The following MYO19 variants were observed in gnomAD, a reference collection of about 807,000 sequenced individuals.
MYO19 encodes the protein myosin XIX, also known as unconventional myosin-XIX.
A neutral mutation model predicts 129.2 loss-of-function variants in MYO19; 132 were observed. The ratio of observed to expected loss-of-function variants is 1.02; its 90% confidence interval spans 0.89 to 1.18. The LOEUF is 1.18. MYO19 is among the 50% of genes most tolerant of loss of function. The probability of loss-of-function intolerance (pLI) is 0.00; values close to 1 mark genes in which losing one functional copy is unlikely to be tolerated. For synonymous variants in MYO19, 531 were observed against 477.2 expected, an observed-to-expected ratio of 1.11 and a Z score of -1.47; for missense variants, 1,210 against 1,216.7, an observed-to-expected ratio of 0.99 and a Z score of 0.08.
chr17:36,505,534 G>C, intron 18 of MYO19, 130 bp from the exon 19 acceptor site: 1 of 647,904 alleles, frequency 1.5e-6, no homozygotes. Context: ...AGAATCTCCT[G>C]TGCAGGGATG....
At chr17:36,505,002 T>C in intron 19 of MYO19, 1 of 564,512 alleles carries the variant, frequency 1.8e-6, no homozygotes, top group South Asian at 1.7e-5. Context: ...GACTTTCAGC[T>C]AATCACGAGA....
At chr17:36,535,211 T>TAC (rs1567804293), upstream of MYO19, 183 of 152,056 alleles carry the variant, frequency 1.2e-3, 1 homozygote, top group African/African-American at 4.3e-3. Context: ...CTTGTGCGAG[T>TAC]GCGGCGGAGT....
Position 36,503,137 on chromosome 17 carries a change from G to A in MYO19, c.2040C>T (p.Ser680=), listed in dbSNP as rs372857351. ...KLLRRLHPCT[S]SGPDSPYPAK... ...CAGGATATGGGCTGTCGGGGCCAGA[G>A]GATGTGCAAGGATGAAGCCTTCTTA... is the stretch of plus-strand genomic sequence containing the variant. Residue 680 remains serine, a synonymous_variant, in exon 21 of 26, where the codon TCC becomes TCT. Coordinates refer to ENST00000614623, the MANE Select transcript of MYO19 (RefSeq NM_001163735.2). 5.5e-5 allele frequency: 89 copies of A among 1,614,036 alleles called. No individual in the cohort carries two copies. The East Asian group carries it at 1.7e-3, about 30-fold the overall frequency.
intron 14 of MYO19, 193 bp from the exon 15 acceptor site, chr17:36,508,117 T>G (rs996112110): frequency 4.0e-6 from 2 of 505,260 alleles, no homozygotes; most frequent in African/African-American, 3.9e-5. Context: ...GGCTCCCATC[T>G]CTACCCCATT....
At chr17:36,499,232 G>T (rs1177574288) in intron 23 of MYO19, 72 bp from the exon 24 acceptor site, 1 of 1,087,194 alleles carries the variant, frequency 9.2e-7, no homozygotes, top group Non-Finnish European at 1.4e-6. Flanking sequence ...CCTCGCTGCA[G>T]CAGCACCACA....
upstream of MYO19, chr17:36,537,600 A>G (rs200024253): frequency 6.2e-7 from 1 of 1,614,130 alleles, no homozygotes; most frequent in East Asian, 2.2e-5. Context: ...GACAGGAGCA[A>G]TGGATTTTGG....
At position 36,501,078 on chromosome 17, in the gene MYO19, A is replaced by G. The variant is rs766485224; in HGVS notation, c.2238T>C (p.Thr746=). The change falls in exon 22 of 26, where the codon ACT becomes ACC. Residue 746 remains threonine (T), a synonymous_variant. Transcript: ENST00000614623. ...CCCCAAACCAGCTCACCATAGAGTCAGTCATGAACACCTTGGTCCTGCCAC... is the reference window on the plus strand; with the variant it reads ...CCCCAAACCAGCTCACCATAGAGTCGGTCATGAACACCTTGGTCCTGCCAC... ...MHCGRTKVFM[T]DSMLELLECG... is the part of the protein sequence containing the mutation. 1.9e-6 allele frequency: 3 copies of G among 1,611,988 alleles called. No individual in the cohort carries two copies. The highest frequency in any genetic ancestry group is 2.5e-6 in the Non-Finnish European group (3 of 1,178,406).
At chr17:36,527,450 C>T (rs537587513) in intron 5 of MYO19, 101 bp downstream of exon 5, 2 of 1,349,944 alleles carry the variant, frequency 1.5e-6, no homozygotes, top group Non-Finnish European at 2.0e-6. Flanking sequence ...TCTGAATGAC[C>T]ACATTGCTGG....
At chr17:36,530,068 A>G (rs2142433650) in intron 3 of MYO19, among the ~76,000 whole-genome samples, 1 of 152,340 alleles carries the variant, frequency 6.6e-6, no homozygotes, top group East Asian at 1.9e-4. Context: ...AAATAAAAAT[A>G]GAAAAATTTC....
chr17:36,515,252 A>C (rs910963129), intron 7 of MYO19, 70 bp from the exon 8 acceptor site: 81 of 1,368,826 alleles, frequency 5.9e-5, no homozygotes, highest in Non-Finnish European at 7.8e-5. Context: ...AGGTGGCTGC[A>C]GGTCTCTGGA....
intron 2 of MYO19, among the ~76,000 whole-genome samples, chr17:36,541,906 A>G (rs1280361860): frequency 6.6e-6 from 1 of 152,246 alleles, no homozygotes; most frequent in Non-Finnish European, 1.5e-5. Flanking sequence ...AAAACCAGGA[A>G]GATGCACAGT....
chr17:36,508,020 CT>C, intron 14 of MYO19, 96 bp from the exon 15 acceptor site: 1 of 1,349,268 alleles, frequency 7.4e-7, no homozygotes, highest in Non-Finnish European at 9.9e-7. Context: ...CTGCCAATGC[CT>C]TATACTTGGC....
intron 6 of MYO19, 35 bp downstream of exon 6, chr17:36,525,193 C>T (rs377588196): frequency 5.4e-5 from 82 of 1,505,548 alleles, no homozygotes; most frequent in African/African-American, 2.3e-4. Flanking sequence ...CCCAGCCAGT[C>T]GTGAGTTGAC....
Position 36,527,614 on chromosome 17 carries a change from C to A in MYO19, c.237G>T (p.Lys79Asn), listed in dbSNP as rs1567787619. 1 of 1,613,992 alleles carries A rather than the reference C, an allele frequency of 6.2e-7. No homozygotes were observed. Among genetic ancestry groups the A allele is most frequent in the East Asian group, 2.2e-5 (1 of 44,884 alleles). The change falls in exon 5 of 26, where the codon AAG becomes AAT. Residue 79 changes from lysine to asparagine, a missense_variant. Lys to Asn is a moderately conservative substitution (Grantham distance 94). Coordinates refer to ENST00000614623, the MANE Select transcript of MYO19 (RefSeq NM_001163735.2). ...GCTLVALNPF[K>N]PVPQLYSPEL... ...CGGGCGAGTAGAGCTGAGGAACAGG[C>A]TTGAAGGGGTTCAAGGCTACCAGGG... is the stretch of plus-strand genomic sequence containing the variant.
At chr17:36,510,976 C>A (rs2072284974) in intron 12 of MYO19, 59 bp from the exon 13 acceptor site, 1 of 1,505,236 alleles carries the variant, frequency 6.6e-7, no homozygotes, top group Admixed American at 2.0e-5. Context: ...CTTCACGAGG[C>A]ACTGTGAAGT....
At chr17:36,527,148 A>G (rs903733248) in intron 5 of MYO19, among the ~76,000 whole-genome samples, 1 of 152,130 alleles carries the variant, frequency 6.6e-6, no homozygotes, top group African/African-American at 2.4e-5. Context: ...TCTGGGCAAT[A>G]AGACTGAAAC....
intron 1 of MYO19, chr17:36,534,539 A>C (rs940549404): frequency 1.3e-5 from 2 of 152,264 alleles, no homozygotes; most frequent in Non-Finnish European, 2.9e-5. Flanking sequence ...GGAAAGGTGG[A>C]GGGTGATCAA....
At chr17:36,539,460 A>C (rs947223291), upstream of MYO19, 5 of 157,782 alleles carry the variant, frequency 3.2e-5, no homozygotes, top group Non-Finnish European at 4.4e-5. Context: ...CTATGAAGTC[A>C]GACAGTTAAA....
chr17:36,518,076 G>A (rs117869551), intron 6 of MYO19, among the ~76,000 whole-genome samples: 2,448 of 145,862 alleles, frequency 0.017, 35 homozygotes, highest in Admixed American at 0.055. Context: ...GGCAACAATA[G>A]CGAAACTATC....
Sources: gnomAD v4.1 joint callset for allele counts (sites outside exome capture counted in the v4.1 genomes callset) on GRCh38, gnomAD v4.1.1 for gene constraint, MANE v1.5 for transcripts, NCBI Gene and HGNC (gene_info 2026-07-23, HGNC 2026-07-21) for gene names.